The following PCDHGA4 variants were observed in gnomAD, a reference collection of about 807,000 sequenced individuals.
PCDHGA4 encodes the protein protocadherin gamma-A4.
Under a neutral mutation model 54.6 loss-of-function variants are expected in PCDHGA4, and 38 were observed. The ratio of observed to expected loss-of-function variants is 0.70; its 90% CI spans 0.54 to 0.91. The LOEUF (loss-of-function observed/expected upper bound fraction) is 0.91. Ranked by LOEUF, PCDHGA4 falls within the 40% of genes least tolerant of loss-of-function variation. The pLI is 0.00. For missense variants in PCDHGA4, 1,298 were observed against 1,220.9 expected (o/e 1.06, Z -0.94); for synonymous variants, 511 against 512.9 (o/e 1.00, Z 0.05).
chr5:141,428,557 C>T (rs2097147196), intron 1 of PCDHGA4: 2 of 242,520 alleles, frequency 8.2e-6, no homozygotes, highest in Non-Finnish European at 1.6e-5. Context: ...AACAGTCCCC[C>T]CACAAGATCT....
chr5:141,382,699 G>C lies in PCDHGA4; in HGVS notation c.2514+25078G>C, dbSNP rs6876944. The stretch of plus-strand genomic sequence containing the variant: ...CCAACCAGGGAAAAATGGTGCGAGA[G>C]ATCCCACAGAAACCACCGAGTTTTA... On this transcript the variant is annotated intron_variant, in intron 1 of 3. Transcript: ENST00000571252. 3,018 of 458,814 alleles carry C rather than the reference G, an allele frequency of 6.6e-3. 90 individuals carry two copies. Among genetic ancestry groups the C allele is most frequent in the African/African-American group, 0.053 (2,693 of 50,344 alleles). 28.4% of individuals were successfully genotyped at this position (458,814 alleles called of 1,614,324 possible).
rs112657435 is a variant in PCDHGA4, at chr5:141,360,032, T to C, written c.2514+2411T>C. 2,408 of 1,390,562 alleles carry C rather than the reference T, an allele frequency of 1.7e-3. 36 individuals carry two copies. In the African/African-American group the frequency reaches 0.032, roughly 18 times the overall value. The allele number at this position is 1,390,562 out of a possible 1,614,324, so 86.1% of individuals were successfully genotyped here. A position where few individuals can be genotyped will look rare whatever the true frequency, so the allele number is the denominator to read the frequency against. On this transcript the variant is annotated intron_variant, in intron 1 of 3. Coordinates refer to ENST00000571252, the MANE Select transcript of PCDHGA4 (RefSeq NM_018917.4). ...CCACACAGAGAAGGCCAGTATAGAT[T>C]CGGAAACAGAAAACAAAAGCAGGAA...
intron 1 of PCDHGA4, among the ~76,000 whole-genome samples, chr5:141,386,382 A>T (rs2090551092): frequency 6.6e-6 from 1 of 152,330 alleles, no homozygotes; most frequent in South Asian, 2.1e-4. Context: ...AGTATTAATT[A>T]AAAACACACT....
At chr5:141,380,044 T>G (rs2150154825) in intron 1 of PCDHGA4, among the ~76,000 whole-genome samples, 1 of 151,770 alleles carries the variant, frequency 6.6e-6, no homozygotes, top group African/African-American at 2.4e-5. Context: ...GGATTACAGG[T>G]GCATGCCACC....
chr5:141,497,740 C>T (rs954595046), intron 2 of PCDHGA4, among the ~76,000 whole-genome samples: 1 of 152,054 alleles, frequency 6.6e-6, no homozygotes, highest in South Asian at 2.1e-4. Context: ...GGTTTCGCCA[C>T]GTTGGCCAGG....
At chr5:141,508,244 C>A (rs1278674173) in intron 3 of PCDHGA4, 1 of 152,314 alleles carries the variant, frequency 6.6e-6, no homozygotes, top group Non-Finnish European at 1.5e-5. Context: ...CTAAGTCTGC[C>A]TCTCCTGGGA....
chr5:141,481,691 C>T (rs929210528), intron 1 of PCDHGA4, among the ~76,000 whole-genome samples: 7 of 152,080 alleles, frequency 4.6e-5, no homozygotes, highest in African/African-American at 1.4e-4. Flanking sequence ...TGGTGGCTCA[C>T]GCCTGTAATC....
chr5:141,361,816 C>G, intron 1 of PCDHGA4: 2 of 1,613,084 alleles, frequency 1.2e-6, no homozygotes, highest in Non-Finnish European at 1.7e-6. Context: ...CAATGCGCCA[C>G]GGGTGCTGTA....
At chr5:141,445,558 G>A (rs1172697298) in intron 1 of PCDHGA4, among the ~76,000 whole-genome samples, 1 of 152,172 alleles carries the variant, frequency 6.6e-6, no homozygotes, top group Non-Finnish European at 1.5e-5. Flanking sequence ...AAAGCACTAA[G>A]AGAAAGCTTA....
In PCDHGA4 at chr5:141,431,616, A is replaced by G. The variant is rs776151297; in HGVS notation, c.2515-63191A>G. 1 of 1,614,250 alleles carries G rather than the reference A, an allele frequency of 6.2e-7. No individual in the cohort carries two copies. Among genetic ancestry groups the G allele is most frequent in the Non-Finnish European group, 8.5e-7 (1 of 1,180,042 alleles). ...AGGTATTCCTTCCGGTATGTGGACG[A>G]CAAGGCGGCCCAAGTTTTCAAACTA... On this transcript the variant is annotated intron_variant, in intron 1 of 3. Transcript: ENST00000571252. This position sits in a 1 kb window ranked among gnomAD's most constrained non-coding sequence, Gnocchi z 4.8.
In PCDHGA4 at chr5:141,371,669, C is replaced by T. The variant is rs766031996; in HGVS notation, c.2514+14048C>T. On this transcript the variant is annotated intron_variant, in intron 1 of 3. Coordinates refer to ENST00000571252, the MANE Select transcript of PCDHGA4 (RefSeq NM_018917.4). ...AATACAATGTGACGATCACAGCTAC[C>T]GACAAAGGCAATCCACCGCTCTCCT... 3 of 1,613,874 alleles carry T rather than the reference C, an allele frequency of 1.9e-6. No individual in the cohort carries two copies. The Admixed American group carries it at 5.0e-5, about 27-fold the overall frequency.
chr5:141,402,965 A>G, intron 1 of PCDHGA4: 2 of 1,606,016 alleles, frequency 1.2e-6, no homozygotes, highest in Non-Finnish European at 1.7e-6. Flanking sequence ...GGCAGCTCCA[A>G]CCAAATGCCA....
At chr5:141,428,189 C>G in intron 1 of PCDHGA4, 1 of 1,429,262 alleles carries the variant, frequency 7.0e-7, no homozygotes, top group African/African-American at 1.4e-5. Flanking sequence ...ACAGCCGCCG[C>G]TCTCTGCGCC....
chr5:141,408,404 G>C lies in PCDHGA4; in HGVS notation c.2514+50783G>C, dbSNP rs372659902. ...GGATGTGTCGGCTCGCAAGCTGCGAGTGAGCGCGGAGAAGCTGCACTTCAG... is the reference window on the plus strand; with the variant it reads ...GGATGTGTCGGCTCGCAAGCTGCGACTGAGCGCGGAGAAGCTGCACTTCAG... On this transcript the variant is annotated intron_variant, in intron 1 of 3. Transcript: ENST00000571252. 6.2e-4 allele frequency: 1,002 copies of C among 1,614,072 alleles called. 1 individual carries two copies. The highest frequency in any genetic ancestry group is 8.3e-4 in the Non-Finnish European group (980 of 1,179,896).
At chr5:141,410,191 C>T in intron 1 of PCDHGA4, 1 of 1,613,994 alleles carries the variant, frequency 6.2e-7, no homozygotes, top group Non-Finnish European at 8.5e-7. Context: ...TTCATCTGGT[C>T]TTCGCAGACA....
rs1385496143 is a variant in PCDHGA4, at chr5:141,361,418, G to A, written c.2514+3797G>A. On this transcript the variant is annotated intron_variant, in intron 1 of 3. Coordinates refer to ENST00000571252, the MANE Select transcript of PCDHGA4 (RefSeq NM_018917.4). ...CTCACCATCACAGCCACCGACGGGG[G>A]CAAGCCGCCCCTCTCCTCCAGCATA... The A allele has an allele frequency of 3.7e-6, 6 of 1,614,036 alleles. No individual in the cohort carries two copies. Among genetic ancestry groups the A allele is most frequent in the Non-Finnish European group, 5.1e-6 (6 of 1,179,900 alleles).
chr5:141,503,598 CAAA>C (rs765754054), intron 2 of PCDHGA4, among the ~76,000 whole-genome samples: 9 of 65,742 alleles, frequency 1.4e-4, no homozygotes, highest in Admixed American at 3.4e-4. Context: ...GACTCCAGCT[CAAA>C]AAAAAAAAAA....
rs563057370 is a variant in PCDHGA4 at position 141,491,297 on chromosome 5, A to G, written c.2515-3510A>G. 1.2e-6 allele frequency: 2 copies of G among 1,614,106 alleles called. No homozygotes were observed. Among genetic ancestry groups the G allele is most frequent in the African/African-American group, 2.7e-5 (2 of 75,038 alleles). On this transcript the variant is annotated intron_variant, in intron 1 of 3. Transcript: ENST00000571252. This position sits in a 1 kb window ranked among gnomAD's most constrained non-coding sequence, Gnocchi z 6.9. The stretch of plus-strand genomic sequence containing the variant: ...AGTGACTTCCTCATACACCCTCCTG[A>G]GCGTTCAGACCTTACCCTTTACCTC...
chr5:141,503,528 G>A (rs1411240550), intron 2 of PCDHGA4, among the ~76,000 whole-genome samples: 2 of 151,470 alleles, frequency 1.3e-5, no homozygotes, highest in Non-Finnish European at 2.9e-5. Flanking sequence ...GAACCTGGGA[G>A]GCAGAGGTTG....
Sources: allele counts gnomAD v4.1 joint callset (sites outside exome capture counted in the v4.1 genomes callset), GRCh38; gene constraint gnomAD v4.1.1; non-coding constraint Gnocchi (gnomAD v3.1); transcripts MANE v1.5; gene names NCBI Gene and HGNC (gene_info 2026-07-23, HGNC 2026-07-21).